The following ERBIN variants were observed in gnomAD, a reference collection of about 807,000 sequenced individuals.
ERBIN encodes densin-180-like protein.
A neutral mutation model predicts 158.4 loss-of-function variants in ERBIN; 60 were observed. That is an observed-to-expected ratio of 0.38 (90% CI 0.31 to 0.47). ERBIN has a LOEUF of 0.47. ERBIN is among the 20% of genes least tolerant of loss of function. The pLI is 0.99. For synonymous variants in ERBIN, 594 were observed against 557.2 expected, an observed-to-expected ratio of 1.07 and a Z score of -0.93; for missense variants, 1,610 against 1,648.0, an observed-to-expected ratio of 0.98 and a Z score of 0.40.
At chr5:65,993,174 A>G (rs1272938767) in intron 3 of ERBIN, among the ~76,000 whole-genome samples, 1 of 152,186 alleles carries the variant, frequency 6.6e-6, no homozygotes, top group Non-Finnish European at 1.5e-5. Flanking sequence ...TAAGGTAAAT[A>G]ATGAGACTAA....
chr5:65,997,455 TATTC>T (rs2151063978), intron 4 of ERBIN, among the ~76,000 whole-genome samples: 1 of 152,326 alleles, frequency 6.6e-6, no homozygotes, highest in East Asian at 1.9e-4. Context: ...TTTAGTTTGA[TATTC>T]ATTAAGTATG....
chr5:66,018,600 T>A lies in ERBIN; in HGVS notation c.534-2722T>A, dbSNP rs1456208154. On this transcript the variant is annotated intron_variant, in intron 7 of 25. Coordinates refer to ENST00000284037, the MANE Select transcript of ERBIN (RefSeq NM_001253697.2). ...TATAATATATATTATATAATATATA[T>A]TATATATACATACACACACACATAT... Among the ~76,000 whole-genome samples, 193 of 66,190 alleles carry A rather than the reference T, an allele frequency of 2.9e-3. 48 individuals are homozygous for A. The highest frequency in any genetic ancestry group is 0.015 in the African/African-American group (179 of 12,190). The allele number at this position is 66,190 out of a possible 152,430, so 43.4% of individuals were successfully genotyped here.
intron 14 of ERBIN, among the ~76,000 whole-genome samples, chr5:66,037,843 AC>A (rs1472293209): frequency 6.6e-6 from 1 of 152,206 alleles, no homozygotes; most frequent in Non-Finnish European, 1.5e-5. Context: ...GGACTCCACC[AC>A]CGAGTGACTT....
intron 21 of ERBIN, among the ~76,000 whole-genome samples, chr5:66,066,522 TAA>T (rs762065039): frequency 3.9e-5 from 4 of 102,090 alleles, no homozygotes; most frequent in African/African-American, 1.6e-4. Context: ...CTGCCAAAAA[TAA>T]AAAAAAAAAA....
chr5:66,042,186 G>T (rs1415399204), intron 15 of ERBIN, among the ~76,000 whole-genome samples: 2 of 151,830 alleles, frequency 1.3e-5, no homozygotes, highest in African/African-American at 4.8e-5. Flanking sequence ...GCTCATTTTG[G>T]GTACTTGTAA....
intron 14 of ERBIN, among the ~76,000 whole-genome samples, chr5:66,030,070 C>T (rs546894727): frequency 2.6e-5 from 4 of 152,142 alleles, no homozygotes; most frequent in Non-Finnish European, 4.4e-5. Flanking sequence ...CAGAGTCTTG[C>T]TCTGTCACCC....
At chr5:65,939,351 T>G (rs1580076585) in intron 1 of ERBIN, among the ~76,000 whole-genome samples, 1 of 152,156 alleles carries the variant, frequency 6.6e-6, no homozygotes, top group Non-Finnish European at 1.5e-5. Flanking sequence ...GCAGAAGAAT[T>G]GCTTGAACCC....
At chr5:66,021,970 A>G (rs1294758755) in intron 8 of ERBIN, among the ~76,000 whole-genome samples, 2 of 146,120 alleles carry the variant, frequency 1.4e-5, no homozygotes, top group Non-Finnish European at 3.0e-5. Flanking sequence ...AATAAGCTAG[A>G]TTTTTTTTTT....
chr5:66,078,550 C>T lies in ERBIN; in HGVS notation c.*20C>T, dbSNP rs201682684. 16 of 1,430,862 alleles carry T rather than the reference C, an allele frequency of 1.1e-5. No individual in the cohort carries two copies. The highest frequency in any genetic ancestry group is 5.2e-5 in the Admixed American group (3 of 58,244). 88.6% of individuals were successfully genotyped at this position (1,430,862 alleles called of 1,614,324 possible). A position where few individuals can be genotyped will look rare whatever the true frequency, so the allele number is the denominator to read the frequency against. ...TCATAAGCACTGTGGACAAAAAAAG[C>T]GGGGAAGACAGCAAGATTTATTGGA... On this transcript the variant is annotated 3_prime_UTR_variant, in exon 26 of 26. Transcript: ENST00000284037.
In ERBIN at chr5:66,071,166, C is replaced by T. The variant is rs375842200; in HGVS notation, c.3634-1003C>T. Among the ~76,000 whole-genome samples the T allele has an allele frequency of 2.0e-5, 3 of 152,088 alleles. No individual in the cohort carries two copies. In the East Asian group the frequency reaches 5.8e-4, roughly 29 times the overall value. ...CCCAGGAATTTGACACCAGCCAGGG[C>T]AATGTAGGGAGACCCTGCCTCTTCC... On this transcript the variant is annotated intron_variant, in intron 21 of 25. Coordinates refer to ENST00000284037, the MANE Select transcript of ERBIN (RefSeq NM_001253697.2).
intron 8 of ERBIN, 70 bp downstream of exon 8, chr5:66,021,455 G>T (rs1755676310): frequency 8.8e-7 from 1 of 1,139,974 alleles, no homozygotes; most frequent in South Asian, 1.5e-5. Context: ...GAAAATTAAT[G>T]TATTTCTCTT....
rs1274644285 is a variant in ERBIN, at chr5:65,926,692, TC to T, written c.-170del. The T allele has an allele frequency of 6.6e-6, 1 of 151,260 alleles. No individual in the cohort carries two copies. Among genetic ancestry groups the T allele is most frequent in the African/African-American group, 2.4e-5 (1 of 41,128 alleles). The allele number at this position is 151,260 out of a possible 1,614,324, so 9.4% of individuals were successfully genotyped here. A position where few individuals can be genotyped will look rare whatever the true frequency, so the allele number is the denominator to read the frequency against. ...TTCTTCTGTGGGAGGCCAGTCCACA[TC>T]CGCTCTCACCCGAGAGAGATATTCA... is the stretch of plus-strand genomic sequence containing the variant. On this transcript the variant is annotated 5_prime_UTR_variant, in exon 1 of 26. Transcript: ENST00000284037.
intron 24 of ERBIN, 72 bp downstream of exon 24, chr5:66,076,480 G>GA (rs1761994483): frequency 8.8e-7 from 1 of 1,138,334 alleles, no homozygotes; most frequent in South Asian, 1.3e-5. Context: ...AAATGTAAGT[G>GA]AAAATCTAAT....
In ERBIN at chr5:65,968,540, T is replaced by A. The variant is rs190092607; in HGVS notation, c.-57-20095T>A. Among the ~76,000 whole-genome samples, 5 of 152,296 alleles carry A rather than the reference T, an allele frequency of 3.3e-5. No individual in the cohort carries two copies. The East Asian group carries it at 9.7e-4, about 29-fold the overall frequency. On this transcript the variant is annotated intron_variant, in intron 1 of 25. Coordinates refer to ENST00000284037, the MANE Select transcript of ERBIN (RefSeq NM_001253697.2). ...AGGTAGGCAGAATTACTTGCATTAT[T>A]ACTTTTATTTAATTTTGATTTAATT... is the stretch of plus-strand genomic sequence containing the variant.
Position 65,936,109 on chromosome 5 carries a change from C to T in ERBIN, c.-58+9303C>T, listed in dbSNP as rs539646455. Among the ~76,000 whole-genome samples, 161 of 151,908 alleles carry T rather than the reference C, an allele frequency of 1.1e-3. 3 individuals are homozygous for T. Among genetic ancestry groups the T allele is most frequent in the Non-Finnish European group, 5.2e-4 (35 of 67,960 alleles). ...TAATAATGGTGTTCTTGGAATTTCA[C>T]ACCTTAGGTCACTCTAGACTCTTTG... On this transcript the variant is annotated intron_variant, in intron 1 of 25. Coordinates refer to ENST00000284037, the MANE Select transcript of ERBIN (RefSeq NM_001253697.2).
rs1051134534 is a variant in ERBIN at position 65,998,229 on chromosome 5, A to T, written c.307+3365A>T. ...GGCGACACAGCAAGACTCTCAAAAAAAAATATATATATATAGATATATATA... is the reference window on the plus strand; with the variant it reads ...GGCGACACAGCAAGACTCTCAAAAATAAATATATATATATAGATATATATA... On this transcript the variant is annotated intron_variant, in intron 4 of 25. Coordinates refer to ENST00000284037, the MANE Select transcript of ERBIN (RefSeq NM_001253697.2). Among the ~76,000 whole-genome samples the T allele has an allele frequency of 2.1e-4, 31 of 149,434 alleles. 1 individual carries two copies. The highest frequency in any genetic ancestry group is 7.4e-4 in the African/African-American group (30 of 40,584).
Position 66,024,416 on chromosome 5 carries a change from A to G in ERBIN, c.783A>G (p.Ser261=), listed in dbSNP as rs757881152. Residue 261 remains serine (S), a synonymous_variant, in exon 10 of 26, where the codon TCA becomes TCG. Coordinates refer to ENST00000284037, the MANE Select transcript of ERBIN (RefSeq NM_001253697.2). ...AAAACCTTCAAGACCTCCTATTATC[A>G]AGCAATTCACTTCAGCAGCTTCCTG... The part of the protein sequence containing the change: ...TCENLQDLLL[S]SNSLQQLPET... 1.4e-5 allele frequency: 23 copies of G among 1,602,302 alleles called. No individual in the cohort carries two copies. The highest frequency in any genetic ancestry group is 1.9e-5 in the Non-Finnish European group (22 of 1,177,048).
At chr5:65,934,776 T>C (rs898306845) in intron 1 of ERBIN, among the ~76,000 whole-genome samples, 2 of 152,242 alleles carry the variant, frequency 1.3e-5, no homozygotes, top group Admixed American at 1.3e-4. Context: ...GTTTTGTTTG[T>C]CATATTTTAA....
At chr5:66,013,790 C>A in intron 6 of ERBIN, 152 bp downstream of exon 6, 1 of 547,018 alleles carries the variant, frequency 1.8e-6, no homozygotes, top group Non-Finnish European at 3.2e-6. Context: ...TGTTTGGTGG[C>A]TTTGACTTAA....
Sources: gnomAD v4.1 joint callset for allele counts (sites outside exome capture counted in the v4.1 genomes callset) on GRCh38, gnomAD v4.1.1 for gene constraint, MANE v1.5 for transcripts, NCBI Gene and HGNC (gene_info 2026-07-23, HGNC 2026-07-21) for gene names.